The following TRAPPC8 variants were observed in gnomAD, a reference collection of about 807,000 sequenced individuals.
The protein encoded by TRAPPC8 is general sporulation gene 1 homolog.
TRAPPC8 carries 54 observed loss-of-function variants against 174.3 expected under a neutral mutation model. The ratio of observed to expected loss-of-function variants is 0.31; its 90% CI spans 0.25 to 0.39. The LOEUF is 0.39. TRAPPC8 is among the 10% of genes least tolerant of loss of function. TRAPPC8 has a pLI of 1.00. For missense variants in TRAPPC8, 1,531 were observed against 1,699.1 expected, an observed-to-expected ratio of 0.90 and a Z score of 1.74; for synonymous variants, 630 against 579.9, an observed-to-expected ratio of 1.09 and a Z score of -1.24.
In TRAPPC8 at chr18:31,913,393, G is replaced by A; in HGVS notation, c.747C>T (p.Leu249=). The change falls in exon 5 of 29, where the codon CTC becomes CTT. Residue 249 remains leucine (L), a synonymous_variant. Coordinates refer to ENST00000283351, the MANE Select transcript of TRAPPC8 (RefSeq NM_014939.5). ...CCTGGTTTTGAATACTATTTTTCTG[G>A]AGATACTGACTCCAAGGATCTGGTA... The part of the protein sequence containing the change: ...EQIPDPWSQY[L]QKNSIQNQES... 5 of 1,582,814 alleles carry A rather than the reference G, an allele frequency of 3.2e-6. No individual in the cohort carries two copies. The highest frequency in any genetic ancestry group is 4.3e-6 in the Non-Finnish European group (5 of 1,170,886).
chr18:31,874,167 A>G (rs73954904), intron 13 of TRAPPC8: 11,642 of 384,420 alleles, frequency 0.03, 235 homozygotes, highest in African/African-American at 0.066. Context: ...CCAACTGTAA[A>G]ATCAGTTGTG....
chr18:31,931,474 C>T lies in TRAPPC8; in HGVS notation c.207G>A (p.Lys69=), dbSNP rs2037842698. 2 of 1,607,436 alleles carry T rather than the reference C, an allele frequency of 1.2e-6. No homozygotes were observed. The highest frequency in any genetic ancestry group is 4.5e-5 in the East Asian group (2 of 44,828). Residue 69 remains lysine, a synonymous_variant, in exon 2 of 29, where the codon AAG becomes AAA. Coordinates refer to ENST00000283351, the MANE Select transcript of TRAPPC8 (RefSeq NM_014939.5). ...NNQLHVIKNL[K]IAVSNIVTQP... ...GGGTGACAATGTTGCTTACTGCTATCTTCAAATTTTTAATTACGTGAAGTT... is the reference window on the plus strand; with the variant it reads ...GGGTGACAATGTTGCTTACTGCTATTTTCAAATTTTTAATTACGTGAAGTT...
chr18:31,940,726 T>C (rs1053819706), intron 1 of TRAPPC8, among the ~76,000 whole-genome samples: 2 of 152,006 alleles, frequency 1.3e-5, no homozygotes, highest in Non-Finnish European at 2.9e-5. Context: ...CTCGAACTCC[T>C]GACCTCGTGA....
intron 10 of TRAPPC8, among the ~76,000 whole-genome samples, chr18:31,898,102 T>C (rs189900325): frequency 5.9e-5 from 9 of 152,292 alleles, no homozygotes; most frequent in African/African-American, 2.2e-4. Context: ...CACATCCTCT[T>C]ATATAATTTA....
intron 9 of TRAPPC8, among the ~76,000 whole-genome samples, chr18:31,903,646 T>G (rs960787244): frequency 1.3e-5 from 2 of 152,230 alleles, no homozygotes; most frequent in South Asian, 4.1e-4. Flanking sequence ...AACTCTAGTT[T>G]ATATCCACTA....
chr18:31,888,870 C>G (rs1165346352), intron 12 of TRAPPC8, among the ~76,000 whole-genome samples: 2 of 152,148 alleles, frequency 1.3e-5, no homozygotes, highest in Non-Finnish European at 2.9e-5. Context: ...CACACGTTTA[C>G]CTATGTAACA....
chr18:31,894,901 G>C (rs552624170), intron 11 of TRAPPC8, among the ~76,000 whole-genome samples: 24 of 152,180 alleles, frequency 1.6e-4, no homozygotes, highest in Non-Finnish European at 3.1e-4. Flanking sequence ...TATAAGACCA[G>C]AATAAGTGTT....
intron 27 of TRAPPC8, among the ~76,000 whole-genome samples, chr18:31,838,607 A>G (rs1374791810): frequency 6.6e-6 from 1 of 152,170 alleles, no homozygotes; most frequent in Non-Finnish European, 1.5e-5. Context: ...CTATGATGTC[A>G]TGCTATTCTA....
At chr18:31,934,117 G>C (rs1005396716) in intron 1 of TRAPPC8, among the ~76,000 whole-genome samples, 2 of 151,978 alleles carry the variant, frequency 1.3e-5, no homozygotes, top group Non-Finnish European at 2.9e-5. Context: ...GAAACCAGGA[G>C]GCAGAAGTTG....
chr18:31,854,454 C>T lies in TRAPPC8; in HGVS notation c.3337-509G>A, dbSNP rs188423279. Among the ~76,000 whole-genome samples, 626 of 152,036 alleles carry T rather than the reference C, an allele frequency of 4.1e-3. 5 individuals carry two copies. Among genetic ancestry groups the T allele is most frequent in the Non-Finnish European group, 3.6e-3 (248 of 67,990 alleles). ...GCTAATCTGAAATTATTAAAATATT[C>T]TCACTCTTACTATAAAAATATTGAT... On this transcript the variant is annotated intron_variant, in intron 21 of 28. Transcript: ENST00000283351.
At chr18:31,857,223 GCCCTAT>G (rs1379974960) in intron 20 of TRAPPC8, among the ~76,000 whole-genome samples, 1 of 152,044 alleles carries the variant, frequency 6.6e-6, no homozygotes, top group Non-Finnish European at 1.5e-5. Flanking sequence ...CATAAATGAC[GCCCTAT>G]TTTAATACAT....
In TRAPPC8 at chr18:31,897,860, G is replaced by A. The variant is rs1416306049; in HGVS notation, c.1522C>T (p.Leu508Phe). The A allele has an allele frequency of 6.2e-7, 1 of 1,611,086 alleles. No individual in the cohort carries two copies. The highest frequency in any genetic ancestry group is 2.2e-5 in the East Asian group (1 of 44,762). Residue 508 changes from leucine (L) to phenylalanine (F), a missense_variant, in exon 11 of 29, where the codon CTT (leucine) becomes TTT (phenylalanine). Physicochemically the swap from Leu to Phe is conservative, Grantham distance 22 (BLOSUM62 0). Transcript: ENST00000283351. The stretch of plus-strand genomic sequence containing the variant: ...TGGCTTTTTAAAAGTTCAGCACTAA[G>A]CAACACACATCTTTCAGCCAACACC... ...NMVLAERCVLLSAELLKSQSK... is the reference protein window; with the variant it reads ...NMVLAERCVLFSAELLKSQSK...
chr18:31,904,671 A>C (rs1006757385), intron 9 of TRAPPC8, among the ~76,000 whole-genome samples: 3 of 152,194 alleles, frequency 2.0e-5, no homozygotes, highest in African/African-American at 7.2e-5. Flanking sequence ...TCTGCTCTAA[A>C]ATTCACTGAA....
At chr18:31,831,108 T>G (rs2032340880) in intron 28 of TRAPPC8, 119 bp from the exon 29 acceptor site, 1 of 752,358 alleles carries the variant, frequency 1.3e-6, no homozygotes. Flanking sequence ...ATCCCAGCAC[T>G]TTGGGAGGCT....
Position 31,908,902 on chromosome 18 carries a change from T to C in TRAPPC8, c.974A>G (p.His325Arg), listed in dbSNP as rs749853479. Residue 325 changes from histidine (H) to arginine (R), a missense_variant, in exon 7 of 29, where the codon CAT (histidine) becomes CGT (arginine). Physicochemically the swap from His to Arg is conservative, Grantham distance 29. Transcript: ENST00000283351. Reference protein sequence around the residue: ...PDHLRSASSLHETKKGNTGII... With the variant: ...PDHLRSASSLRETKKGNTGII... ...TCCAGTATTTCCTTTCTTTGTTTCA[T>C]GTAACGATGAAGCAGATCTTAGATG... 2.5e-6 allele frequency: 4 copies of C among 1,613,872 alleles called. No individual in the cohort carries two copies. The South Asian group carries it at 4.4e-5, about 18-fold the overall frequency.
At chr18:31,940,248 G>A (rs1302432774) in intron 1 of TRAPPC8, among the ~76,000 whole-genome samples, 3 of 151,978 alleles carry the variant, frequency 2.0e-5, no homozygotes, top group Non-Finnish European at 2.9e-5. Flanking sequence ...AGGCGGAGGC[G>A]GGCGGACCAC....
At chr18:31,911,537 G>A (rs1289857135) in intron 5 of TRAPPC8, among the ~76,000 whole-genome samples, 3 of 151,656 alleles carry the variant, frequency 2.0e-5, no homozygotes, top group South Asian at 2.1e-4. Context: ...TCAGGAGTTC[G>A]AGACCAGTCT....
chr18:31,857,816 C>A lies in TRAPPC8; in HGVS notation c.2912G>T (p.Ser971Ile). The change falls in exon 20 of 29, where the codon AGT becomes ATT. Residue 971 changes from serine to isoleucine, a missense_variant. Ser to Ile is a moderately radical substitution (Grantham distance 142). Coordinates refer to ENST00000283351, the MANE Select transcript of TRAPPC8 (RefSeq NM_014939.5). ...ACTACAATTCTCAGAAGCTGAGGGA[C>A]TTAGTGGTGTTAGAACAGCAGTATT... Reference protein sequence around the residue: ...GGNTAVLTPLSPSASENCSAY... With the variant: ...GGNTAVLTPLIPSASENCSAY... 1 of 1,614,130 alleles carries A rather than the reference C, an allele frequency of 6.2e-7. No homozygotes were observed. The highest frequency in any genetic ancestry group is 8.5e-7 in the Non-Finnish European group (1 of 1,180,026).
intron 25 of TRAPPC8, among the ~76,000 whole-genome samples, chr18:31,848,672 T>C (rs1220097208): frequency 6.6e-6 from 1 of 152,198 alleles, no homozygotes; most frequent in African/African-American, 2.4e-5. Flanking sequence ...CAATTTAAAA[T>C]ACATGTATTG....
Sources: allele counts gnomAD v4.1 joint callset (sites outside exome capture counted in the v4.1 genomes callset), GRCh38; gene constraint gnomAD v4.1.1; transcripts MANE v1.5; gene names NCBI Gene and HGNC (gene_info 2026-07-23, HGNC 2026-07-21).